Variants in IL20RB observed in about 807,000 individuals in gnomAD.
The protein encoded by IL20RB is interleukin 20 receptor subunit beta.
Under a neutral mutation model 33.3 loss-of-function variants are expected in IL20RB, and 21 were observed. The observed-to-expected ratio is 0.63, with a 90% CI of 0.45 to 0.91. The LOEUF is 0.91. Among genes scored for constraint, IL20RB ranks in the 40% least tolerant of loss-of-function variants. The probability of loss-of-function intolerance (pLI) is 0.00; values close to 1 mark genes in which losing one functional copy is unlikely to be tolerated. For synonymous variants in IL20RB, 147 were observed against 146.8 expected, an observed-to-expected ratio of 1.00 and a Z score of -0.01; for missense variants, 345 against 384.8, an observed-to-expected ratio of 0.90 and a Z score of 0.86.
At chr3:137,005,372 G>T (rs1054177340) in intron 6 of IL20RB, among the ~76,000 whole-genome samples, 9 of 152,126 alleles carry the variant, frequency 5.9e-5, no homozygotes, top group Non-Finnish European at 1.2e-4. Context: ...GGCTGTTAAA[G>T]TCTCCCATTA....
rs1268119772 is a variant in IL20RB, at chr3:136,989,567, T to G, written c.531+2T>G. 6.2e-7 allele frequency: 1 copy of G among 1,613,464 alleles called. No individual in the cohort carries two copies. The highest frequency in any genetic ancestry group is 1.3e-5 in the African/African-American group (1 of 74,990). On this transcript the variant is annotated splice_donor_variant, in intron 4 of 6. Coordinates refer to ENST00000329582, the MANE Select transcript of IL20RB (RefSeq NM_144717.4). LOFTEE classifies it high-confidence loss of function. ...TGGAGGAGGGAGCCTGGTGCCGAGG[T>G]GAGACTCCAGCCTTGGCCTTTGGGT... is the stretch of plus-strand genomic sequence containing the variant.
chr3:137,007,886 G>A (rs1461617745), intron 6 of IL20RB, among the ~76,000 whole-genome samples: 1 of 152,156 alleles, frequency 6.6e-6, no homozygotes, highest in African/African-American at 2.4e-5. Context: ...ACTGGGGGCT[G>A]CAGACTGGAG....
Position 136,962,982 on chromosome 3 carries a change from A to G in IL20RB, c.88+4781A>G, listed in dbSNP as rs140755015. Among the ~76,000 whole-genome samples, 496 of 152,020 alleles carry G rather than the reference A, an allele frequency of 3.3e-3. 5 individuals carry two copies. The highest frequency in any genetic ancestry group is 0.011 in the African/African-American group (471 of 41,470). On this transcript the variant is annotated intron_variant, in intron 1 of 6. Transcript: ENST00000329582. ...TATCTTAATTTTTTATAATTGTGCT[A>G]TGGTTATGTACATATGGAGGGCTGA...
At chr3:136,982,738 C>G (rs1941808127) in intron 3 of IL20RB, among the ~76,000 whole-genome samples, 2 of 152,184 alleles carry the variant, frequency 1.3e-5, no homozygotes, top group Admixed American at 1.3e-4. Flanking sequence ...ATTTACTGCC[C>G]ACGTAAGCAG....
chr3:136,983,311 C>G (rs1357788790), intron 3 of IL20RB, among the ~76,000 whole-genome samples: 1 of 152,182 alleles, frequency 6.6e-6, no homozygotes, highest in Non-Finnish European at 1.5e-5. Flanking sequence ...TGGTCTGGAA[C>G]TCCTGACCTC....
At chr3:136,960,773 AT>A (rs1349053454) in intron 1 of IL20RB, among the ~76,000 whole-genome samples, 3 of 152,190 alleles carry the variant, frequency 2.0e-5, no homozygotes, top group Admixed American at 6.5e-5. Flanking sequence ...TGCCCTTTAT[AT>A]ATCTCTGCAG....
intron 6 of IL20RB, among the ~76,000 whole-genome samples, chr3:137,007,220 C>G (rs747446072): frequency 1.3e-5 from 2 of 151,930 alleles, no homozygotes; most frequent in Non-Finnish European, 2.9e-5. Context: ...TGGGAGGTGT[C>G]TCCCAGTTAG....
At chr3:136,999,355 C>T (rs1031775746) in intron 6 of IL20RB, among the ~76,000 whole-genome samples, 2 of 152,138 alleles carry the variant, frequency 1.3e-5, no homozygotes, top group African/African-American at 4.8e-5. Flanking sequence ...TTTGGACTCC[C>T]AAAGTGCTGG....
chr3:137,002,769 G>A (rs553478294), intron 6 of IL20RB, among the ~76,000 whole-genome samples: 3 of 151,922 alleles, frequency 2.0e-5, no homozygotes, highest in Non-Finnish European at 4.4e-5. Context: ...AGCTCTTTAG[G>A]TTAATTATAT....
chr3:136,970,268 A>AT (rs572346724), intron 1 of IL20RB, among the ~76,000 whole-genome samples: 1 of 151,474 alleles, frequency 6.6e-6, no homozygotes, highest in South Asian at 2.1e-4. Context: ...TAATTTTTGT[A>AT]TTTTTTTATA....
At chr3:136,971,536 C>G (rs2108184407) in intron 1 of IL20RB, among the ~76,000 whole-genome samples, 1 of 152,362 alleles carries the variant, frequency 6.6e-6, no homozygotes, top group East Asian at 1.9e-4. Flanking sequence ...TTTTCGCTCT[C>G]TACCTCTGTA....
intron 5 of IL20RB, 65 bp from the exon 6 acceptor site, chr3:136,995,349 G>A (rs1560075422): frequency 6.3e-7 from 1 of 1,578,582 alleles, no homozygotes; most frequent in African/African-American, 1.3e-5. Context: ...ACCGGGGGAG[G>A]CTCAGGATTG....
intron 1 of IL20RB, among the ~76,000 whole-genome samples, chr3:136,977,899 T>C (rs1324094152): frequency 6.6e-6 from 1 of 152,162 alleles, no homozygotes; most frequent in Non-Finnish European, 1.5e-5. Context: ...CATTTGCATA[T>C]AGGGCAAGTT....
rs778755925 is a variant in IL20RB, at chr3:137,010,259, G to A, written c.*36G>A. 5.2e-6 allele frequency: 5 copies of A among 966,592 alleles called. No homozygotes were observed. In the African/African-American group the frequency reaches 8.0e-5, roughly 16 times the overall value. 59.9% of individuals were successfully genotyped at this position (966,592 alleles called of 1,614,324 possible). The stretch of plus-strand genomic sequence containing the variant: ...GGGCCCAGGTGAAGCCGAGAACCTG[G>A]TCTGCATGACATGGAAACCATGAGG... On this transcript the variant is annotated 3_prime_UTR_variant, in exon 7 of 7. Transcript: ENST00000329582.
chr3:136,992,078 G>A lies in IL20RB; in HGVS notation c.672G>A (p.Val224=). ...GCGCCTTCAGCCAGACAGAATGTGT[G>A]GAGGTGCAAGGTAAGGATGGCTTCT... ...RYSAFSQTEC[V]EVQGEAIPLV... Residue 224 remains valine, a synonymous_variant, in exon 5 of 7, where the codon GTG becomes GTA. Transcript: ENST00000329582. 6.2e-7 allele frequency: 1 copy of A among 1,614,132 alleles called. No individual in the cohort carries two copies. Among genetic ancestry groups the A allele is most frequent in the African/African-American group, 1.3e-5 (1 of 75,060 alleles).
At chr3:136,963,650 GT>G (rs966531184) in intron 1 of IL20RB, among the ~76,000 whole-genome samples, 1 of 138,718 alleles carries the variant, frequency 7.2e-6, no homozygotes, top group Non-Finnish European at 1.6e-5. Context: ...AGTTTTGAGA[GT>G]TTTTTATGTG....
chr3:137,005,613 T>G (rs910842849), intron 6 of IL20RB, among the ~76,000 whole-genome samples: 1 of 152,194 alleles, frequency 6.6e-6, no homozygotes, highest in African/African-American at 2.4e-5. Context: ...GCTTTCCATT[T>G]GCTTGGTAGA....
At chr3:136,995,675 G>A in intron 6 of IL20RB, 119 bp downstream of exon 6, 2 of 856,656 alleles carry the variant, frequency 2.3e-6, no homozygotes, top group East Asian at 5.0e-5. Context: ...CATCTGCACA[G>A]AGAGGGGAGA....
chr3:136,971,583 C>T (rs938831887), intron 1 of IL20RB, among the ~76,000 whole-genome samples: 4 of 152,220 alleles, frequency 2.6e-5, no homozygotes, highest in African/African-American at 9.6e-5. Context: ...TAAGTGAGAA[C>T]ATATGATATT....
Sources: gnomAD v4.1 joint callset for allele counts (sites outside exome capture counted in the v4.1 genomes callset) on GRCh38, gnomAD v4.1.1 for gene constraint, MANE v1.5 for transcripts, NCBI Gene and HGNC (gene_info 2026-07-23, HGNC 2026-07-21) for gene names.